CSMD1: variants seen among roughly 807,000 people sequenced by gnomAD.
CSMD1 encodes CUB and Sushi multiple domains 1, also known as CUB and sushi domain-containing protein 1.
In CSMD1, 213 loss-of-function variants were observed where a neutral mutation model predicts 417.5. The ratio of observed to expected loss-of-function variants is 0.51; its 90% CI spans 0.46 to 0.57. CSMD1 has a LOEUF of 0.57. Ranked by LOEUF, CSMD1 falls within the 20% of genes least tolerant of loss-of-function variation. The pLI, the probability that CSMD1 is intolerant of heterozygous loss-of-function variation, is 0.00. For missense variants in CSMD1, 6,923 were observed against 4,529.7 expected (o/e 1.53, Z -15.17); for synonymous variants, 2,862 against 1,736.8 (o/e 1.65, Z -16.11).
At chr8:2,994,470 G>T (rs1806698076) in intron 54 of CSMD1, among the ~76,000 whole-genome samples, 1 of 152,178 alleles carries the variant, frequency 6.6e-6, no homozygotes, top group African/African-American at 2.4e-5. Context: ...GCAGTGGAAA[G>T]TTCCCAAAAT....
In CSMD1 at chr8:4,467,104, G is replaced by C. The variant is rs573412954; in HGVS notation, c.303-47039C>G. Among the ~76,000 whole-genome samples the C allele has an allele frequency of 9.6e-5, 13 of 135,950 alleles. No homozygotes were observed. In the East Asian group the frequency reaches 2.6e-3, roughly 27 times the overall value. 89.2% of individuals were successfully genotyped at this position (135,950 alleles called of 152,430 possible). On this transcript the variant is annotated intron_variant, in intron 2 of 69. Transcript: ENST00000635120. Reference sequence around the variant, plus strand: ...TCTTTTCAAATTTCAACTTAGTCTTGCTCTAGATTCTTCAGAGTAAAAAAA... The same window carrying C: ...TCTTTTCAAATTTCAACTTAGTCTTCCTCTAGATTCTTCAGAGTAAAAAAA...
chr8:4,971,086 G>C (rs1433729393), intron 1 of CSMD1, among the ~76,000 whole-genome samples: 2 of 151,742 alleles, frequency 1.3e-5, no homozygotes, highest in South Asian at 2.1e-4. Context: ...ACTTTTTTTG[G>C]ATCTCATTTT....
At chr8:2,962,319 C>T (rs1187990805) in intron 61 of CSMD1, 147 bp downstream of exon 61, 2 of 664,598 alleles carry the variant, frequency 3.0e-6, no homozygotes, top group Non-Finnish European at 5.0e-6. Flanking sequence ...AGTGCGCAAT[C>T]CTACTCAGTG....
intron 5 of CSMD1, among the ~76,000 whole-genome samples, chr8:3,844,907 G>GAAA (rs1282846956): frequency 3.0e-5 from 4 of 134,950 alleles, no homozygotes; most frequent in African/African-American, 1.5e-4. Context: ...ATATTTGTCT[G>GAAA]TGCATTTAAA....
At chr8:3,544,942 T>C (rs1798596921) in intron 10 of CSMD1, among the ~76,000 whole-genome samples, 1 of 152,180 alleles carries the variant, frequency 6.6e-6, no homozygotes, top group South Asian at 2.1e-4. Flanking sequence ...TTAAATATCT[T>C]AGATCTCTTC....
chr8:4,000,862 T>C (rs1390552109), intron 4 of CSMD1, among the ~76,000 whole-genome samples: 1 of 152,088 alleles, frequency 6.6e-6, no homozygotes, highest in African/African-American at 2.4e-5. Context: ...CTTTATTACC[T>C]AAGAAGATAA....
intron 3 of CSMD1, among the ~76,000 whole-genome samples, chr8:4,054,702 AG>A (rs1488112804): frequency 6.6e-6 from 1 of 152,096 alleles, no homozygotes; most frequent in Non-Finnish European, 1.5e-5. Flanking sequence ...TGAATTCCTG[AG>A]GGTGCCCAGA....
intron 12 of CSMD1, among the ~76,000 whole-genome samples, chr8:3,438,223 A>T (rs1814701532): frequency 6.6e-6 from 1 of 152,194 alleles, no homozygotes; most frequent in African/African-American, 2.4e-5. Flanking sequence ...GTAAGAGGTA[A>T]TACAAAGTTC....
chr8:3,154,405 C>G (rs1261692088), intron 39 of CSMD1, among the ~76,000 whole-genome samples: 1 of 152,154 alleles, frequency 6.6e-6, no homozygotes, highest in African/African-American at 2.4e-5. Flanking sequence ...CAGACCCTTT[C>G]TTATAGGTAA....
At position 3,106,222 on chromosome 8, in the gene CSMD1, C is replaced by CAAA. The variant is rs71199537; in HGVS notation, c.6949+303_6949+305dup. Among the ~76,000 whole-genome samples the CAAA allele has an allele frequency of 2.9e-3, 372 of 126,204 alleles. 4 individuals carry two copies. The highest frequency in any genetic ancestry group is 0.018 in the South Asian group (68 of 3,854). 82.8% of individuals were successfully genotyped at this position (126,204 alleles called of 152,430 possible). On this transcript the variant is annotated intron_variant, in intron 46 of 69. Transcript: ENST00000635120. ...GTAACATGTTGAAAACCCATTTCTA[C>CAAA]AAAAAAAAAAAAAAAAATCCAAAAA...
intron 36 of CSMD1, among the ~76,000 whole-genome samples, chr8:3,182,622 G>GTT (rs1212419164): frequency 1.6e-4 from 9 of 56,816 alleles, no homozygotes; most frequent in African/African-American, 4.7e-4. Context: ...GTGTGTGTGT[G>GTT]TGTGTGTGTG....
intron 1 of CSMD1, among the ~76,000 whole-genome samples, chr8:4,759,784 T>C (rs1041073390): frequency 2.6e-5 from 4 of 152,222 alleles, no homozygotes; most frequent in African/African-American, 9.6e-5. Context: ...ATAGTACATA[T>C]GTACCAGTTT....
intron 25 of CSMD1, among the ~76,000 whole-genome samples, chr8:3,300,986 A>AG (rs768926599): frequency 1.2e-4 from 17 of 144,948 alleles, no homozygotes; most frequent in South Asian, 6.8e-4. Context: ...AAAAAAGAGA[A>AG]AGAAAAATTA....
In CSMD1 at chr8:4,645,720, G is replaced by C. The variant is rs143942300; in HGVS notation, c.86-8162C>G. Reference sequence around the variant, plus strand: ...ATTTTTACAAAGGAATATTTAGCTAGAGGGCCTCCTAATTGCAAGAGAATT... The same window carrying C: ...ATTTTTACAAAGGAATATTTAGCTACAGGGCCTCCTAATTGCAAGAGAATT... On this transcript the variant is annotated intron_variant, in intron 1 of 69. Transcript: ENST00000635120. 1.6e-3 allele frequency among the ~76,000 whole-genome samples: 245 copies of C among 152,248 alleles called. 3 individuals carry two copies. The highest frequency in any genetic ancestry group is 5.7e-3 in the African/African-American group (237 of 41,550).
intron 3 of CSMD1, among the ~76,000 whole-genome samples, chr8:4,268,244 G>C (rs1463967083): frequency 2.0e-5 from 3 of 152,124 alleles, no homozygotes; most frequent in Non-Finnish European, 4.4e-5. Context: ...GTGAGCAAAA[G>C]ATGGCATTCA....
intron 5 of CSMD1, among the ~76,000 whole-genome samples, chr8:3,981,759 T>A (rs1382420625): frequency 1.3e-5 from 2 of 152,180 alleles, no homozygotes; most frequent in Admixed American, 6.5e-5. Flanking sequence ...GACCCTGCCG[T>A]CCGACAGGCT....
chr8:3,167,431 T>C (rs1820299544), intron 37 of CSMD1, among the ~76,000 whole-genome samples: 1 of 151,792 alleles, frequency 6.6e-6, no homozygotes, highest in South Asian at 2.1e-4. Flanking sequence ...GAAGACAACA[T>C]AAAGGTAATT....
intron 3 of CSMD1, among the ~76,000 whole-genome samples, chr8:4,161,783 G>T (rs976247697): frequency 1.3e-5 from 2 of 152,066 alleles, no homozygotes; most frequent in Non-Finnish European, 1.5e-5. Context: ...TTTGAATTGT[G>T]CAAAAGAAAC....
chr8:3,547,889 A>G (rs894198010), intron 10 of CSMD1, among the ~76,000 whole-genome samples: 1 of 152,220 alleles, frequency 6.6e-6, no homozygotes, highest in Non-Finnish European at 1.5e-5. Flanking sequence ...TAAGAATAAG[A>G]AGTACTCCTA....
Sources: allele counts gnomAD v4.1 joint callset (sites outside exome capture counted in the v4.1 genomes callset), GRCh38; gene constraint gnomAD v4.1.1; transcripts MANE v1.5; gene names NCBI Gene and HGNC (gene_info 2026-07-23, HGNC 2026-07-21).